Variants in CACNA1H observed in about 807,000 individuals in gnomAD.
The protein encoded by CACNA1H is voltage-dependent T-type calcium channel subunit alpha-1H.
A neutral mutation model predicts 192.5 loss-of-function variants in CACNA1H; 149 were observed. The ratio of observed to expected loss-of-function variants is 0.77; its 90% CI spans 0.68 to 0.89. The LOEUF is 0.89. CACNA1H is among the 40% of genes least tolerant of loss of function. The pLI is 0.00. For synonymous variants in CACNA1H, 2,202 were observed against 1,475.2 expected (o/e 1.49, Z -11.29); for missense variants, 4,257 against 3,423.5 (o/e 1.24, Z -6.08).
intron 2 of CACNA1H, among the ~76,000 whole-genome samples, chr16:1,163,376 G>C (rs1567438154): frequency 6.6e-6 from 1 of 152,334 alleles, no homozygotes; most frequent in East Asian, 1.9e-4. Context: ...GGCACCTCGT[G>C]CTCCCGGGAG....
At chr16:1,157,347 A>G (rs766221589) in intron 2 of CACNA1H, among the ~76,000 whole-genome samples, 1 of 152,162 alleles carries the variant, frequency 6.6e-6, no homozygotes, top group Non-Finnish European at 1.5e-5. Context: ...GGGGAAGGAT[A>G]TATCAAGGTC....
chr16:1,178,538 C>T (rs1418954788), intron 2 of CACNA1H, among the ~76,000 whole-genome samples: 1 of 152,118 alleles, frequency 6.6e-6, no homozygotes, highest in African/African-American at 2.4e-5. Context: ...CGTCTACAGG[C>T]CAAGGACAGC....
chr16:1,156,069 A>G (rs1962329974), intron 2 of CACNA1H, among the ~76,000 whole-genome samples: 1 of 151,910 alleles, frequency 6.6e-6, no homozygotes, highest in African/African-American at 2.4e-5. Flanking sequence ...GCTGGGAGAG[A>G]ATGGGTGGTC....
chr16:1,164,327 C>T (rs536599580), intron 2 of CACNA1H, among the ~76,000 whole-genome samples: 5 of 152,278 alleles, frequency 3.3e-5, no homozygotes, highest in East Asian at 1.9e-4. Context: ...CTGTCCTGTA[C>T]GTACTGTTTT....
In CACNA1H at chr16:1,187,127, C is replaced by T. The variant is rs374772606; in HGVS notation, c.300-7845C>T. ...TAGCGCCTGTGGGAATGGGCTTCCCCGGTGAATACACATAGGTCGTCTTCT... is the reference window on the plus strand; with the variant it reads ...TAGCGCCTGTGGGAATGGGCTTCCCTGGTGAATACACATAGGTCGTCTTCT... On this transcript the variant is annotated intron_variant, in intron 2 of 34. Coordinates refer to ENST00000348261, the MANE Select transcript of CACNA1H (RefSeq NM_021098.3). 8.1e-4 allele frequency among the ~76,000 whole-genome samples: 123 copies of T among 152,374 alleles called. 2 individuals are homozygous for T. The highest frequency in any genetic ancestry group is 2.9e-3 in the African/African-American group (120 of 41,592).
chr16:1,207,483 G>A (rs1007622217), intron 14 of CACNA1H, 53 bp downstream of exon 14: 17 of 1,577,892 alleles, frequency 1.1e-5, no homozygotes, highest in Middle Eastern at 1.7e-4. Context: ...GAAGAGAGAC[G>A]GGCTTCAGGT....
intron 6 of CACNA1H, 22 bp downstream of exon 6, chr16:1,198,796 G>A (rs1283247642): frequency 6.3e-7 from 1 of 1,596,016 alleles, no homozygotes; most frequent in Non-Finnish European, 8.5e-7. Flanking sequence ...CCACCCCCGT[G>A]AGGCCCCTGC....
At chr16:1,181,370 G>A (rs553469147) in intron 2 of CACNA1H, among the ~76,000 whole-genome samples, 37 of 152,386 alleles carry the variant, frequency 2.4e-4, no homozygotes, top group Admixed American at 2.2e-3. Flanking sequence ...CCGAGCCCCC[G>A]GCAACGGTGG....
intron 2 of CACNA1H, among the ~76,000 whole-genome samples, chr16:1,158,313 G>C (rs564389747): frequency 6.6e-6 from 1 of 152,092 alleles, no homozygotes; most frequent in Admixed American, 6.5e-5. Flanking sequence ...TGGGGGAGCC[G>C]TGGGGGCAGC....
In CACNA1H at chr16:1,221,073, G is replaced by T; in HGVS notation, c.*79G>T. 9.0e-7 allele frequency: 1 copy of T among 1,110,480 alleles called. No homozygotes were observed. The highest frequency in any genetic ancestry group is 1.3e-6 in the Non-Finnish European group (1 of 790,222). 68.8% of individuals were successfully genotyped at this position (1,110,480 alleles called of 1,614,324 possible). A position where few individuals can be genotyped will look rare whatever the true frequency, so the allele number is the denominator to read the frequency against. Reference sequence around the variant, plus strand: ...GGGGTGGAGGCCCAGGCAGAACCCTGCATGGACCCTGACTTGGGTCCCGTC... The same window carrying T: ...GGGGTGGAGGCCCAGGCAGAACCCTTCATGGACCCTGACTTGGGTCCCGTC... On this transcript the variant is annotated 3_prime_UTR_variant, in exon 35 of 35. Transcript: ENST00000348261.
At chr16:1,205,602 T>C (rs1256000627) in intron 11 of CACNA1H, among the ~76,000 whole-genome samples, 1 of 152,214 alleles carries the variant, frequency 6.6e-6, no homozygotes, top group Non-Finnish European at 1.5e-5. Flanking sequence ...AAAGACCAGC[T>C]TAAAAGGCTG....
chr16:1,194,894 G>C, intron 2 of CACNA1H, 78 bp from the exon 3 acceptor site: 2 of 1,076,334 alleles, frequency 1.9e-6, no homozygotes, highest in Non-Finnish European at 2.9e-6. Context: ...GGCTCCGGCT[G>C]ACCGGGTGGG....
At chr16:1,156,948 T>C (rs1962496675) in intron 2 of CACNA1H, 1 of 152,260 alleles carries the variant, frequency 6.6e-6, no homozygotes, top group Non-Finnish European at 1.5e-5. Flanking sequence ...GATTGGTTTC[T>C]TAAAAATATA....
intron 2 of CACNA1H, among the ~76,000 whole-genome samples, chr16:1,185,069 C>G (rs1965849342): frequency 6.6e-6 from 1 of 152,228 alleles, no homozygotes; most frequent in Non-Finnish European, 1.5e-5. Flanking sequence ...CTCTACCCCG[C>G]TTTGTCTCTG....
intron 33 of CACNA1H, 93 bp from the exon 34 acceptor site, chr16:1,218,877 G>A (rs1182485714): frequency 2.2e-5 from 31 of 1,383,460 alleles, no homozygotes; most frequent in Non-Finnish European, 2.7e-5. Context: ...CCAGGAAGGA[G>A]GATGGTGGCA....
chr16:1,211,163 T>G lies in CACNA1H; in HGVS notation c.4224-5T>G. ...GACTGCAGTGTATCCTTCACTCCCCTCCAGGGTCATCAGCCGGGCCCCGGG... is the reference window on the plus strand; with the variant it reads ...GACTGCAGTGTATCCTTCACTCCCCGCCAGGGTCATCAGCCGGGCCCCGGG... On this transcript the variant is annotated splice_region_variant and splice_polypyrimidine_tract_variant and intron_variant, in intron 21 of 34. Transcript: ENST00000348261. 6.2e-7 allele frequency: 1 copy of G among 1,612,520 alleles called. No homozygotes were observed. The highest frequency in any genetic ancestry group is 8.5e-7 in the Non-Finnish European group (1 of 1,179,682).
intron 2 of CACNA1H, among the ~76,000 whole-genome samples, chr16:1,158,869 T>C (rs1609697): frequency 0.42 from 61,953 of 148,894 alleles, 15,085 homozygotes; most frequent in East Asian, 0.82. Flanking sequence ...CCCGCACCCC[T>C]GGCCCCGCAG....
In CACNA1H at chr16:1,195,940, CGTT is replaced by C. The variant is rs1567496283; in HGVS notation, c.562_564del (p.Leu188del). ...CCCGCCCCCAGCATGATGGAGTACT[CGTT>C]GGACGGACACAACGTGAGCCTCTCG... On this transcript the variant is annotated inframe_deletion, in exon 5 of 35. Coordinates refer to ENST00000348261, the MANE Select transcript of CACNA1H (RefSeq NM_021098.3). 5 of 1,613,002 alleles carry C rather than the reference CGTT, an allele frequency of 3.1e-6. No individual in the cohort carries two copies. The highest frequency in any genetic ancestry group is 1.7e-5 in the Admixed American group (1 of 60,024).
chr16:1,179,729 TC>T (rs1965276953), intron 2 of CACNA1H, among the ~76,000 whole-genome samples: 7 of 122,002 alleles, frequency 5.7e-5, no homozygotes, highest in African/African-American at 1.0e-4. Context: ...ACGCCCGGCC[TC>T]TTTTTTTTTT....
Sources: allele counts gnomAD v4.1 joint callset (sites outside exome capture counted in the v4.1 genomes callset), GRCh38; gene constraint gnomAD v4.1.1; transcripts MANE v1.5; gene names NCBI Gene and HGNC (gene_info 2026-07-23, HGNC 2026-07-21).